The following SERHL2 variants were observed in gnomAD, a reference collection of about 807,000 sequenced individuals.
SERHL2 encodes serine hydrolase-like protein 2.
SERHL2 carries 29 observed loss-of-function variants against 25.5 expected under a neutral mutation model. That is an observed-to-expected ratio of 1.14 (90% CI 0.85 to 1.55). The LOEUF (loss-of-function observed/expected upper bound fraction) is 1.55, where lower values mean the gene tolerates loss of function less well. SERHL2 is among the 40% of genes most tolerant of loss of function. SERHL2 has a pLI of 0.00. For synonymous variants in SERHL2, 95 were observed against 103.5 expected, an observed-to-expected ratio of 0.92 and a Z score of 0.50; for missense variants, 240 against 252.3, an observed-to-expected ratio of 0.95 and a Z score of 0.33.
chr22:42,568,955 C>T (rs1923778001), intron 9 of SERHL2, among the ~76,000 whole-genome samples: 1 of 151,488 alleles, frequency 6.6e-6, no homozygotes, highest in Non-Finnish European at 1.5e-5. Context: ...GATCTCAGCT[C>T]ACTGCAACCT....
chr22:42,561,028 A>G (rs1351280912), intron 8 of SERHL2, among the ~76,000 whole-genome samples: 1 of 151,828 alleles, frequency 6.6e-6, no homozygotes, highest in African/African-American at 2.4e-5. Flanking sequence ...GCTGTGCACA[A>G]ATGGCGCCCC....
At chr22:42,568,478 C>T (rs893578119) in intron 9 of SERHL2, among the ~76,000 whole-genome samples, 1 of 151,896 alleles carries the variant, frequency 6.6e-6, no homozygotes, top group Non-Finnish European at 1.5e-5. Context: ...TGGAGATGCC[C>T]CCTTCCCTGT....
rs1924614423 is a variant in SERHL2, at chr22:42,573,829, G to C, written c.826-107G>C. Reference sequence around the variant, plus strand: ...GAAACTCACTGTGGGAGGCGCTCCTGACCTGCAGGGAGCTGGAATGCTGTG... The same window carrying C: ...GAAACTCACTGTGGGAGGCGCTCCTCACCTGCAGGGAGCTGGAATGCTGTG... On this transcript the variant is annotated intron_variant, in intron 11 of 11. Transcript: ENST00000327678. The C allele has an allele frequency of 2.9e-6, 3 of 1,045,056 alleles. No homozygotes were observed. The South Asian group carries it at 4.6e-5, about 16-fold the overall frequency. 64.7% of individuals were successfully genotyped at this position (1,045,056 alleles called of 1,614,324 possible).
intron 8 of SERHL2, chr22:42,563,571 A>G (rs1922971163): frequency 4.5e-6 from 1 of 223,298 alleles, no homozygotes; most frequent in Non-Finnish European, 9.6e-6. Flanking sequence ...GGAGGCTCAA[A>G]TCTTTCTCAT....
Position 42,573,823 on chromosome 22 carries a change from G to A in SERHL2, c.826-113G>A, listed in dbSNP as rs548039309. The A allele has an allele frequency of 5.2e-4, 499 of 961,730 alleles. 3 individuals are homozygous for A. In the East Asian group the frequency reaches 0.011, roughly 22 times the overall value. 59.6% of individuals were successfully genotyped at this position (961,730 alleles called of 1,614,324 possible). The stretch of plus-strand genomic sequence containing the variant: ...GTGGGGGAAACTCACTGTGGGAGGC[G>A]CTCCTGACCTGCAGGGAGCTGGAAT... On this transcript the variant is annotated intron_variant, in intron 11 of 11. Transcript: ENST00000327678.
intron 8 of SERHL2, among the ~76,000 whole-genome samples, chr22:42,563,187 T>C (rs573001591): frequency 2.3e-4 from 33 of 142,724 alleles, no homozygotes; most frequent in African/African-American, 8.9e-4. Context: ...TTTTTCTTTT[T>C]TTCTTTTTTT....
At chr22:42,563,254 A>G (rs1922921229) in intron 8 of SERHL2, 1 of 170,986 alleles carries the variant, frequency 5.8e-6, no homozygotes, top group Non-Finnish European at 1.3e-5. Flanking sequence ...CTCAGGCTGG[A>G]ATGCAGTGGC....
rs755053763 is a variant in SERHL2 at position 42,572,451 on chromosome 22, T to C, written c.747T>C (p.Tyr249=). The part of the protein sequence containing the change: ...HVLLIKAVHG[Y]FDSRQNYSEK... ...CACTTTCCAGAGCAGTCCACGGATA[T>C]TTTGATTCAAGACAGAATTACTCTG... The change falls in exon 11 of 12, where the codon TAT becomes TAC. Residue 249 remains tyrosine, a synonymous_variant. Coordinates refer to ENST00000327678, the MANE Select transcript of SERHL2 (RefSeq NM_014509.5). The C allele has an allele frequency of 1.2e-6, 2 of 1,610,844 alleles. No individual in the cohort carries two copies. Among genetic ancestry groups the C allele is most frequent in the Non-Finnish European group, 1.7e-6 (2 of 1,177,400 alleles).
chr22:42,566,793 A>G (rs191513155), intron 9 of SERHL2, among the ~76,000 whole-genome samples: 258 of 152,328 alleles, frequency 1.7e-3, no homozygotes, highest in Middle Eastern at 6.8e-3. Flanking sequence ...GAGGGGCAGG[A>G]TGACAAAGGT....
intron 7 of SERHL2, among the ~76,000 whole-genome samples, chr22:42,559,229 TAAAAAAAAAA>T (rs1194822216): frequency 1.2e-4 from 8 of 69,316 alleles, no homozygotes; most frequent in African/African-American, 5.5e-4. Flanking sequence ...ACCCTGTATT[TAAAAAAAAAA>T]AAAAAAAAAA....
chr22:42,573,322 CAAGT>C (rs1924511993), intron 11 of SERHL2: 2 of 151,176 alleles, frequency 1.3e-5, no homozygotes, highest in Non-Finnish European at 2.9e-5. Context: ...CGGCTCACTC[CAAGT>C]TCCACCTCCC....
At chr22:42,566,500 G>A (rs1923408430) in intron 9 of SERHL2, among the ~76,000 whole-genome samples, 162 bp downstream of exon 9, 1 of 151,218 alleles carries the variant, frequency 6.6e-6, no homozygotes, top group Non-Finnish European at 1.5e-5. Flanking sequence ...AGGTTGCATT[G>A]AGCCGAGATA....
chr22:42,564,709 G>T (rs1196572404), intron 8 of SERHL2, among the ~76,000 whole-genome samples: 1 of 152,000 alleles, frequency 6.6e-6, no homozygotes, highest in African/African-American at 2.4e-5. Context: ...GGGATTTCAG[G>T]TGTGAGCCAC....
chr22:42,568,212 AG>A (rs60421538), intron 9 of SERHL2, among the ~76,000 whole-genome samples: 143,077 of 151,588 alleles, frequency 0.94, 67,659 homozygotes, highest in African/African-American at 0.99. Context: ...TTGTAGAGAC[AG>A]GGTCTTGCCA....
rs1922171769 is a variant in SERHL2, at chr22:42,556,521, G to T, written c.356G>T (p.Cys119Phe). 6.2e-7 allele frequency: 1 copy of T among 1,612,778 alleles called. No homozygotes were observed. The highest frequency in any genetic ancestry group is 1.3e-5 in the African/African-American group (1 of 74,912). The change falls in exon 6 of 12, where the codon TGT becomes TTT. Residue 119 changes from cysteine (C) to phenylalanine (F), a missense_variant. Cys to Phe is a radical substitution (Grantham distance 205). Around this residue, in one of 4 missense-constraint regions of SERHL2, gnomAD observed 1 missense variants for 47.8 expected, o/e 0.02. Transcript: ENST00000327678. ...FGGVVGGMFF[C>F]TFPEMVDKLI... Reference sequence around the variant, plus strand: ...CTTTTGGCATCCTCACAGTTTTTCTGTACCTTCCCCGAGATGGTGGATAAA... The same window carrying T: ...CTTTTGGCATCCTCACAGTTTTTCTTTACCTTCCCCGAGATGGTGGATAAA...
intron 9 of SERHL2, chr22:42,570,069 G>A: frequency 6.6e-6 from 1 of 152,260 alleles, no homozygotes; most frequent in Non-Finnish European, 1.5e-5. Flanking sequence ...GATCAGAGCA[G>A]CACAGTGCAA....
chr22:42,564,368 C>CT (rs1158282381), intron 8 of SERHL2, among the ~76,000 whole-genome samples: 1 of 151,616 alleles, frequency 6.6e-6, no homozygotes, highest in African/African-American at 2.4e-5. Flanking sequence ...GGGTCTGTCT[C>CT]TGACTGCCTG....
chr22:42,573,727 A>G, intron 11 of SERHL2: 1 of 623,056 alleles, frequency 1.6e-6, no homozygotes, highest in Non-Finnish European at 2.9e-6. Context: ...GACCCCTGGG[A>G]GGCCTCCAAG....
chr22:42,566,726 C>T (rs962716230), intron 9 of SERHL2, among the ~76,000 whole-genome samples: 4 of 151,992 alleles, frequency 2.6e-5, no homozygotes, highest in African/African-American at 9.7e-5. Flanking sequence ...TCGAAGTCAG[C>T]TCGGTGCATC....
Sources: gnomAD v4.1 joint callset for allele counts (sites outside exome capture counted in the v4.1 genomes callset) on GRCh38, gnomAD v4.1.1 for gene constraint, gnomAD v4.1.1 regional missense constraint, MANE v1.5 for transcripts, NCBI Gene and HGNC (gene_info 2026-07-23, HGNC 2026-07-21) for gene names.